ENPP2: variants seen among roughly 807,000 people sequenced by gnomAD.
ENPP2 encodes the protein ectonucleotide pyrophosphatase/phosphodiesterase 2.
Under a neutral mutation model 120.2 loss-of-function variants are expected in ENPP2, and 51 were observed. The observed-to-expected ratio is 0.42, with a 90% CI of 0.34 to 0.54. ENPP2 has a LOEUF of 0.54. Ranked by LOEUF, ENPP2 falls within the 20% of genes least tolerant of loss-of-function variation. The probability of loss-of-function intolerance (pLI) is 0.04; values close to 1 mark genes in which losing one functional copy is unlikely to be tolerated. For synonymous variants in ENPP2, 365 were observed against 366.4 expected, an observed-to-expected ratio of 1.00 and a Z score of 0.04; for missense variants, 920 against 1,066.5, an observed-to-expected ratio of 0.86 and a Z score of 1.91.
At chr8:119,611,385 T>G (rs946902587) in intron 8 of ENPP2, among the ~76,000 whole-genome samples, 2 of 152,100 alleles carry the variant, frequency 1.3e-5, no homozygotes, top group African/African-American at 4.8e-5. Flanking sequence ...GATCAATCGC[T>G]GAGAATCAGA....
chr8:119,646,582 A>C (rs972367371), intron 1 of ENPP2, among the ~76,000 whole-genome samples: 23 of 152,170 alleles, frequency 1.5e-4, no homozygotes, highest in African/African-American at 4.8e-4. Flanking sequence ...GCTCGACCAC[A>C]GTTTAACTGT....
At chr8:119,647,528 AG>A (rs1817506792) in intron 1 of ENPP2, among the ~76,000 whole-genome samples, 1 of 152,200 alleles carries the variant, frequency 6.6e-6, no homozygotes, top group African/African-American at 2.4e-5. Context: ...AAGGAGAGTT[AG>A]CAGGCTAAGT....
At chr8:119,639,618 G>C (rs1352330784), upstream of ENPP2, among the ~76,000 whole-genome samples, 2 of 152,046 alleles carry the variant, frequency 1.3e-5, no homozygotes, top group Non-Finnish European at 1.5e-5. Flanking sequence ...GCGGAGGAGG[G>C]GGCGGTTTTT....
intron 1 of ENPP2, among the ~76,000 whole-genome samples, chr8:119,665,724 A>G (rs539711602): frequency 6.6e-6 from 1 of 152,364 alleles, no homozygotes; most frequent in South Asian, 2.1e-4. Flanking sequence ...TCTCATATGT[A>G]ATTGATATAT....
chr8:119,644,587 AATATATATATATAT>A lies in ENPP2; in HGVS notation c.22-6074_22-6061del, dbSNP rs33966650. Among the ~76,000 whole-genome samples the A allele has an allele frequency of 2.6e-3, 155 of 59,980 alleles. No individual in the cohort carries two copies. In the Middle Eastern group the frequency reaches 0.097, roughly 38 times the overall value. The allele number at this position is 59,980 out of a possible 152,430, so 39.3% of individuals were successfully genotyped here. On this transcript the variant is annotated intron_variant, in intron 1 of 25. Transcript: ENST00000427067. ...TTCTGCTGTGACTGGAGATTACTAA[AATATATATATATAT>A]ATATATATATATATATATATATATA...
chr8:119,594,794 TATAC>T (rs1563710516), intron 11 of ENPP2, among the ~76,000 whole-genome samples: 4 of 151,964 alleles, frequency 2.6e-5, no homozygotes, highest in African/African-American at 9.7e-5. Flanking sequence ...ATCACATAAA[TATAC>T]CCAAGATGAT....
At chr8:119,617,638 T>C in intron 5 of ENPP2, 75 bp from the exon 6 acceptor site, 3 of 1,024,174 alleles carry the variant, frequency 2.9e-6, no homozygotes, top group Non-Finnish European at 4.5e-6. Flanking sequence ...TTCTCAATAA[T>C]GGGAGCAATA....
At chr8:119,659,811 G>C (rs151223174) in intron 1 of ENPP2, among the ~76,000 whole-genome samples, 33 of 152,278 alleles carry the variant, frequency 2.2e-4, no homozygotes, top group African/African-American at 7.0e-4. Flanking sequence ...GAGGAAAATT[G>C]CTTGTCTTGT....
At chr8:119,566,395 T>G (rs1256998745) in intron 22 of ENPP2, among the ~76,000 whole-genome samples, 1 of 152,196 alleles carries the variant, frequency 6.6e-6, no homozygotes, top group African/African-American at 2.4e-5. Context: ...CACCTGGCCA[T>G]GCTTCTCATA....
At chr8:119,635,724 A>G (rs1816959274) in intron 2 of ENPP2, among the ~76,000 whole-genome samples, 1 of 152,214 alleles carries the variant, frequency 6.6e-6, no homozygotes, top group African/African-American at 2.4e-5. Flanking sequence ...CTCATTTCAT[A>G]TCTCCTAATA....
At chr8:119,672,447 C>T (rs913291457) in intron 1 of ENPP2, among the ~76,000 whole-genome samples, 1 of 152,146 alleles carries the variant, frequency 6.6e-6, no homozygotes, top group African/African-American at 2.4e-5. Flanking sequence ...AGTGTGGAAG[C>T]CCAGCAATCG....
At chr8:119,617,080 G>C (rs1309528289) in intron 7 of ENPP2, 84 bp downstream of exon 7, 2 of 886,592 alleles carry the variant, frequency 2.3e-6, no homozygotes, top group Non-Finnish European at 3.8e-6. Flanking sequence ...TAAGGAACAC[G>C]TTTTAAAAGT....
intron 22 of ENPP2, among the ~76,000 whole-genome samples, chr8:119,565,874 G>A (rs1456680493): frequency 6.6e-6 from 1 of 150,898 alleles, no homozygotes; most frequent in Non-Finnish European, 1.5e-5. Flanking sequence ...TCTCTTGCAC[G>A]CACATGCACA....
At chr8:119,605,536 C>T (rs1418472051) in intron 9 of ENPP2, among the ~76,000 whole-genome samples, 1 of 151,256 alleles carries the variant, frequency 6.6e-6, no homozygotes, top group Non-Finnish European at 1.5e-5. Flanking sequence ...TCTCAGCTCA[C>T]CGAAACCTCT....
chr8:119,568,524 A>G (rs1814680606), intron 21 of ENPP2, among the ~76,000 whole-genome samples: 2 of 152,262 alleles, frequency 1.3e-5, no homozygotes, highest in Non-Finnish European at 2.9e-5. Flanking sequence ...ACATTATGTA[A>G]AATAACTCCT....
chr8:119,599,377 T>C (rs1175291099), intron 11 of ENPP2, among the ~76,000 whole-genome samples: 1 of 151,808 alleles, frequency 6.6e-6, no homozygotes, highest in African/African-American at 2.4e-5. Context: ...AATACTTAAG[T>C]ATTGTCAAAA....
At chr8:119,582,077 C>T (rs753677634) in intron 18 of ENPP2, among the ~76,000 whole-genome samples, 5 of 152,080 alleles carry the variant, frequency 3.3e-5, no homozygotes, top group Non-Finnish European at 7.3e-5. Context: ...ACCTGTCTCC[C>T]GTCGGGACCA....
intron 5 of ENPP2, among the ~76,000 whole-genome samples, 180 bp downstream of exon 5, chr8:119,619,064 T>A (rs967754501): frequency 6.6e-6 from 1 of 152,138 alleles, no homozygotes; most frequent in Non-Finnish European, 1.5e-5. Flanking sequence ...AAGAAAACTA[T>A]CACCATTTCA....
chr8:119,563,447 T>C (rs995546572), intron 23 of ENPP2, among the ~76,000 whole-genome samples: 20 of 152,288 alleles, frequency 1.3e-4, no homozygotes, highest in Non-Finnish European at 2.9e-4. Context: ...ATTAGTTCCA[T>C]GTTTCAGGAA....
Sources: allele counts gnomAD v4.1 joint callset (sites outside exome capture counted in the v4.1 genomes callset), GRCh38; gene constraint gnomAD v4.1.1; transcripts MANE v1.5; gene names NCBI Gene and HGNC (gene_info 2026-07-23, HGNC 2026-07-21).